The following GPHN variants were observed in gnomAD, a reference collection of about 807,000 sequenced individuals.
GPHN encodes gephyrin.
GPHN carries 17 observed loss-of-function variants against 95.5 expected under a neutral mutation model. The observed-to-expected ratio is 0.18, with a 90% CI of 0.12 to 0.27. The LOEUF (loss-of-function observed/expected upper bound fraction) is 0.27. Ranked by LOEUF, GPHN falls within the 10% of genes least tolerant of loss-of-function variation. The probability of loss-of-function intolerance (pLI) is 1.00; values close to 1 mark genes in which losing one functional copy is unlikely to be tolerated. For synonymous variants in GPHN, 320 were observed against 322.5 expected (o/e 0.99, Z 0.08); for missense variants, 660 against 978.1 (o/e 0.67, Z 4.34).
chr14:66,721,539 A>G (rs1374224243), intron 2 of GPHN, among the ~76,000 whole-genome samples: 7 of 152,328 alleles, frequency 4.6e-5, no homozygotes, highest in Admixed American at 3.3e-4. Context: ...AATTTAACAA[A>G]TCAAACTAAT....
chr14:66,702,892 G>A (rs1407161165), intron 2 of GPHN, among the ~76,000 whole-genome samples: 1 of 152,128 alleles, frequency 6.6e-6, no homozygotes, highest in Non-Finnish European at 1.5e-5. Context: ...AGATAAGAAC[G>A]TTGATAAAAG....
At chr14:67,144,167 G>A (rs1478661151) in intron 18 of GPHN, among the ~76,000 whole-genome samples, 2 of 145,732 alleles carry the variant, frequency 1.4e-5, no homozygotes, top group African/African-American at 5.1e-5. Context: ...AGCCTGGGTG[G>A]TCAAGGCTGC....
At chr14:67,317,282 T>C in the GPHN span, 4 of 764,386 alleles carry the variant, frequency 5.2e-6, no homozygotes, top group Admixed American at 1.2e-4. Flanking sequence ...GGCCAACATA[T>C]GGAGATCTCG....
intron 4 of GPHN, among the ~76,000 whole-genome samples, chr14:66,858,671 C>T (rs1331279525): frequency 6.6e-6 from 1 of 151,942 alleles, no homozygotes; most frequent in Non-Finnish European, 1.5e-5. Context: ...TGTCTTGCAC[C>T]TTAGGGGAGT....
chr14:66,870,437 TA>T (rs1487379486), intron 4 of GPHN, among the ~76,000 whole-genome samples: 1 of 152,194 alleles, frequency 6.6e-6, no homozygotes, highest in Non-Finnish European at 1.5e-5. Context: ...AAGAACTTTG[TA>T]AAGAATACAG....
chr14:67,604,296 T>TAA, the GPHN span, among the ~76,000 whole-genome samples: 1 of 152,248 alleles, frequency 6.6e-6, no homozygotes, highest in Non-Finnish European at 1.5e-5. Flanking sequence ...TTCCATACTC[T>TAA]AATGGTGTCT....
At chr14:67,292,759 TTAG>T in the GPHN span, 1 of 1,493,246 alleles carries the variant, frequency 6.7e-7, no homozygotes, top group African/African-American at 1.4e-5. Context: ...TACAAGGTAA[TTAG>T]TAGTGGCAGG....
chr14:67,407,167 G>A, the GPHN span, among the ~76,000 whole-genome samples: 1 of 152,076 alleles, frequency 6.6e-6, no homozygotes, highest in African/African-American at 2.4e-5. Context: ...TGTCGCCCGG[G>A]CTAGAGTGCT....
the GPHN span, among the ~76,000 whole-genome samples, chr14:67,422,167 A>G: frequency 3.3e-5 from 5 of 152,170 alleles, no homozygotes; most frequent in Middle Eastern, 3.4e-3. Context: ...CCTCATCTTA[A>G]TCATCCCAGG....
At chr14:67,436,106 C>G in the GPHN span, among the ~76,000 whole-genome samples, 8 of 152,206 alleles carry the variant, frequency 5.3e-5, no homozygotes, top group Non-Finnish European at 8.8e-5. Flanking sequence ...CCACAGAAGC[C>G]TCTTTACTGG....
At chr14:67,031,538 T>G (rs1187723114) in intron 10 of GPHN, among the ~76,000 whole-genome samples, 2 of 152,040 alleles carry the variant, frequency 1.3e-5, no homozygotes, top group African/African-American at 4.8e-5. Context: ...TTATCTAGTC[T>G]AAGTAAACCA....
intron 15 of GPHN, 66 bp downstream of exon 15, chr14:67,111,985 C>T: frequency 8.4e-7 from 1 of 1,190,266 alleles, no homozygotes; most frequent in African/African-American, 1.5e-5. Context: ...ACTCAGGAAA[C>T]CCTGGCTACT....
intron 4 of GPHN, among the ~76,000 whole-genome samples, chr14:66,874,617 G>A (rs2063573825): frequency 6.6e-6 from 1 of 152,038 alleles, no homozygotes; most frequent in Admixed American, 6.6e-5. Flanking sequence ...GCATACACAA[G>A]TATCAATAGC....
intron 5 of GPHN, among the ~76,000 whole-genome samples, chr14:66,908,186 G>C (rs1291987550): frequency 6.6e-6 from 1 of 151,754 alleles, no homozygotes; most frequent in East Asian, 1.9e-4. Flanking sequence ...GGGTTCCTTG[G>C]AGAAGTGGCT....
At chr14:67,018,696 G>A (rs1322520777) in intron 9 of GPHN, among the ~76,000 whole-genome samples, 1 of 152,204 alleles carries the variant, frequency 6.6e-6, no homozygotes, top group African/African-American at 2.4e-5. Context: ...TTATAATGAG[G>A]AGGGTGTGTA....
intron 4 of GPHN, among the ~76,000 whole-genome samples, chr14:66,857,756 G>GAAACT (rs1488493499): frequency 6.6e-6 from 1 of 152,086 alleles, no homozygotes; most frequent in Non-Finnish European, 1.5e-5. Flanking sequence ...ACACTGAAAG[G>GAAACT]GATAGGAAAC....
At chr14:67,249,649 T>C in the GPHN span, among the ~76,000 whole-genome samples, 1 of 152,260 alleles carries the variant, frequency 6.6e-6, no homozygotes, top group South Asian at 2.1e-4. Context: ...TTTTGAGTTA[T>C]GCTTTTTTGA....
the GPHN span, among the ~76,000 whole-genome samples, chr14:67,550,885 T>A: frequency 6.6e-6 from 1 of 152,054 alleles, no homozygotes; most frequent in Non-Finnish European, 1.5e-5. Flanking sequence ...ACCTCTCTGT[T>A]TTAGTTTCCT....
the GPHN span, among the ~76,000 whole-genome samples, chr14:67,707,286 AC>A: frequency 6.6e-6 from 1 of 152,244 alleles, no homozygotes; most frequent in Non-Finnish European, 1.5e-5. Flanking sequence ...ATTAGGCAAG[AC>A]TAAAATCTAA....
Sources: allele counts gnomAD v4.1 joint callset (sites outside exome capture counted in the v4.1 genomes callset), GRCh38; gene constraint gnomAD v4.1.1; transcripts MANE v1.5; gene names NCBI Gene and HGNC (gene_info 2026-07-23, HGNC 2026-07-21).